The following UBE2E3 variants were observed in gnomAD, a reference collection of about 807,000 sequenced individuals.
UBE2E3 encodes ubiquitin conjugating enzyme E2 E3, also known as ubiquitin-conjugating enzyme E2 E3.
UBE2E3 carries 5 observed loss-of-function variants against 23.6 expected under a neutral mutation model. That is an observed-to-expected ratio of 0.21 (90% CI 0.11 to 0.44). The LOEUF (loss-of-function observed/expected upper bound fraction) is 0.44. UBE2E3 is among the 20% of genes least tolerant of loss of function. The probability of loss-of-function intolerance (pLI) is 0.99; values close to 1 mark genes in which losing one functional copy is unlikely to be tolerated. For synonymous variants in UBE2E3, 78 were observed against 87.5 expected (o/e 0.89, Z 0.60); for missense variants, 81 against 249.8 (o/e 0.32, Z 4.55).
At chr2:181,031,344 T>C (rs867021278) in intron 3 of UBE2E3, among the ~76,000 whole-genome samples, 22 of 152,314 alleles carry the variant, frequency 1.4e-4, no homozygotes, top group Admixed American at 4.6e-4. Flanking sequence ...CGTAGAAATG[T>C]GTTTGCTGTA....
At chr2:181,042,800 A>T (rs577823377) in intron 3 of UBE2E3, among the ~76,000 whole-genome samples, 23 of 152,224 alleles carry the variant, frequency 1.5e-4, no homozygotes, top group Non-Finnish European at 3.2e-4. Flanking sequence ...AAATTACATA[A>T]TAGTAGGAGC....
chr2:181,048,037 A>AC (rs1686722563), intron 3 of UBE2E3, among the ~76,000 whole-genome samples: 1 of 152,032 alleles, frequency 6.6e-6, no homozygotes. Flanking sequence ...GCCTCAGGGC[A>AC]TTTTCCTATG....
chr2:180,991,090 A>G (rs1268690484), intron 3 of UBE2E3, among the ~76,000 whole-genome samples: 1 of 152,198 alleles, frequency 6.6e-6, no homozygotes, highest in Non-Finnish European at 1.5e-5. Flanking sequence ...GTTTCAAGTC[A>G]GTTCACATTT....
chr2:181,029,551 GTTTTATCTAAAAACTTGTT>G (rs947385600), intron 3 of UBE2E3, among the ~76,000 whole-genome samples: 3 of 150,376 alleles, frequency 2.0e-5, no homozygotes, highest in Non-Finnish European at 4.4e-5. Flanking sequence ...GCTTTTGTAA[GTTTTATCTAAAAACTTGTT>G]TTTTATCTAG....
intron 3 of UBE2E3, among the ~76,000 whole-genome samples, chr2:181,025,896 T>C (rs1289905351): frequency 6.6e-6 from 1 of 151,960 alleles, no homozygotes; most frequent in Admixed American, 6.6e-5. Context: ...AAACAAATTT[T>C]CTAAAGAGCA....
At chr2:181,038,352 T>A (rs1157137607) in intron 3 of UBE2E3, among the ~76,000 whole-genome samples, 2 of 152,194 alleles carry the variant, frequency 1.3e-5, no homozygotes, top group African/African-American at 4.8e-5. Flanking sequence ...GGCTGTACCA[T>A]CTAGCTTTGT....
At chr2:180,985,443 T>C (rs1487608030) in intron 3 of UBE2E3, among the ~76,000 whole-genome samples, 1 of 152,194 alleles carries the variant, frequency 6.6e-6, no homozygotes, top group Non-Finnish European at 1.5e-5. Flanking sequence ...AGTTCATTAA[T>C]ATTAAAATAA....
intron 3 of UBE2E3, among the ~76,000 whole-genome samples, chr2:181,020,637 T>TA (rs1559123808): frequency 6.6e-6 from 1 of 152,224 alleles, no homozygotes; most frequent in African/African-American, 2.4e-5. Context: ...TCTTATCAAA[T>TA]ACTTCTTTGT....
At chr2:180,995,535 G>A (rs1684800594) in intron 3 of UBE2E3, among the ~76,000 whole-genome samples, 1 of 151,866 alleles carries the variant, frequency 6.6e-6, no homozygotes, top group African/African-American at 2.4e-5. Context: ...TTATACTCAG[G>A]TTTTTTCCTT....
chr2:181,040,446 G>A (rs1290770270), intron 3 of UBE2E3, among the ~76,000 whole-genome samples: 1 of 152,062 alleles, frequency 6.6e-6, no homozygotes, highest in Non-Finnish European at 1.5e-5. Flanking sequence ...TTTTTATAAA[G>A]AATCAATTTT....
intron 3 of UBE2E3, among the ~76,000 whole-genome samples, chr2:180,993,222 C>A (rs1052749557): frequency 2.6e-5 from 4 of 152,248 alleles, no homozygotes; most frequent in African/African-American, 9.6e-5. Flanking sequence ...TAGGGTCATT[C>A]AATTTGTAAA....
chr2:180,980,772 C>T lies in UBE2E3; in HGVS notation c.-227C>T, dbSNP rs993448632. ...TCCGAAGGCGCTGGGCGGCGCCACCCTCCGGCCGGAGCCCGGCACTGCACA... is the reference window on the plus strand; with the variant it reads ...TCCGAAGGCGCTGGGCGGCGCCACCTTCCGGCCGGAGCCCGGCACTGCACA... On this transcript the variant is annotated 5_prime_UTR_variant, in exon 1 of 6. Transcript: ENST00000410062. The surrounding 1 kb of genome is among the most constrained non-coding windows in gnomAD (Gnocchi z 5.5). The T allele has an allele frequency of 1.3e-5, 2 of 149,142 alleles. No homozygotes were observed. The highest frequency in any genetic ancestry group is 4.9e-5 in the African/African-American group (2 of 41,168). 9.2% of individuals were successfully genotyped at this position (149,142 alleles called of 1,614,324 possible).
chr2:181,062,749 G>C, intron 5 of UBE2E3, 42 bp from the exon 6 acceptor site: 1 of 1,240,588 alleles, frequency 8.1e-7, no homozygotes, highest in Non-Finnish European at 1.2e-6. Context: ...CCTTGAAGAA[G>C]ATACCACAAA....
intron 4 of UBE2E3, 53 bp from the exon 5 acceptor site, chr2:181,060,612 A>C: frequency 2.7e-6 from 4 of 1,460,094 alleles, no homozygotes; most frequent in Non-Finnish European, 3.7e-6. Flanking sequence ...TTAGTGTTTT[A>C]ATTGGTAATA....
rs374387406 is a variant in UBE2E3 at position 181,035,260 on chromosome 2, G to T, written c.246-22433G>T. The stretch of plus-strand genomic sequence containing the variant: ...TTATACTATGATTTGCATGATGTAA[G>T]GCTATAAATGTATATTCCTTTTTCT... On this transcript the variant is annotated intron_variant, in intron 3 of 5. Transcript: ENST00000410062. Among the ~76,000 whole-genome samples, 573 of 152,218 alleles carry T rather than the reference G, an allele frequency of 3.8e-3. 1 individual carries two copies. The highest frequency in any genetic ancestry group is 5.4e-3 in the Non-Finnish European group (370 of 68,002).
intron 3 of UBE2E3, among the ~76,000 whole-genome samples, chr2:181,023,311 T>A (rs1685765972): frequency 6.6e-6 from 1 of 152,232 alleles, no homozygotes; most frequent in African/African-American, 2.4e-5. Flanking sequence ...GTTGTTAAAA[T>A]TTGATTTAGT....
intron 3 of UBE2E3, among the ~76,000 whole-genome samples, chr2:181,006,642 G>C (rs949914343): frequency 3.3e-5 from 5 of 151,720 alleles, no homozygotes; most frequent in African/African-American, 1.2e-4. Context: ...TTAAACTTTT[G>C]ATTTTGAGAT....
chr2:181,050,396 T>G (rs1416473808), intron 3 of UBE2E3, among the ~76,000 whole-genome samples: 1 of 151,920 alleles, frequency 6.6e-6, no homozygotes, highest in East Asian at 1.9e-4. Context: ...CCTGCTGTTT[T>G]GTTCAACGGG....
intron 3 of UBE2E3, among the ~76,000 whole-genome samples, chr2:181,004,581 C>T (rs531051799): frequency 1.1e-4 from 17 of 151,916 alleles, no homozygotes; most frequent in Non-Finnish European, 2.1e-4. Context: ...TGCAGTGAGC[C>T]GAGATTGTGC....
Sources: gnomAD v4.1 joint callset for allele counts (sites outside exome capture counted in the v4.1 genomes callset) on GRCh38, gnomAD v4.1.1 for gene constraint, Gnocchi (gnomAD v3.1) non-coding constraint, MANE v1.5 for transcripts, NCBI Gene and HGNC (gene_info 2026-07-23, HGNC 2026-07-21) for gene names.